ORMDL3: variants seen among roughly 807,000 people sequenced by gnomAD.
ORMDL3 encodes ORMDL sphingolipid biosynthesis regulator 3.
A neutral mutation model predicts 12.6 loss-of-function variants in ORMDL3; 6 were observed. The ratio of observed to expected loss-of-function variants is 0.48; its 90% CI spans 0.26 to 0.94. The LOEUF is 0.94. Ranked by LOEUF, ORMDL3 falls within the 40% of genes least tolerant of loss-of-function variation. The pLI is 0.14. For missense variants in ORMDL3, 159 were observed against 205.5 expected, an observed-to-expected ratio of 0.77 and a Z score of 1.38; for synonymous variants, 99 against 87.2, an observed-to-expected ratio of 1.14 and a Z score of -0.75.
chr17:39,924,167 T>C lies in ORMDL3; in HGVS notation c.37A>G (p.Asn13Asp). 1 of 1,613,456 alleles carries C rather than the reference T, an allele frequency of 6.2e-7. No individual in the cohort carries two copies. Among genetic ancestry groups the C allele is most frequent in the Non-Finnish European group, 8.5e-7 (1 of 1,179,604 alleles). ...VGTAHSEVNP[N>D]TRVMNSRGIW... The stretch of plus-strand genomic sequence containing the variant: ...CCACGGCTGTTCATCACCCGCGTGT[T>C]GGGGTTCACCTCGCTGTGCGCTGTG... The change falls in exon 2 of 4, where the codon AAC (asparagine) becomes GAC (aspartate). Residue 13 changes from asparagine to aspartate, a missense_variant. Transcript: ENST00000304046.
Position 39,922,416 on chromosome 17 carries a change from G to A in ORMDL3, c.*134C>T. ...TTGGCTACTGGGGGAAGCGAGGGGGGAAATTAGGCCAGAGGCTCAACCCCC... is the reference window on the plus strand; with the variant it reads ...TTGGCTACTGGGGGAAGCGAGGGGGAAAATTAGGCCAGAGGCTCAACCCCC... On this transcript the variant is annotated 3_prime_UTR_variant, in exon 4 of 4. Coordinates refer to ENST00000304046, the MANE Select transcript of ORMDL3 (RefSeq NM_139280.4). The A allele has an allele frequency of 2.6e-6, 3 of 1,153,776 alleles. No individual in the cohort carries two copies. Among genetic ancestry groups the A allele is most frequent in the Non-Finnish European group, 3.6e-6 (3 of 833,180 alleles). 71.5% of individuals were successfully genotyped at this position (1,153,776 alleles called of 1,614,324 possible). A position where few individuals can be genotyped will look rare whatever the true frequency, so the allele number is the denominator to read the frequency against.
rs763991542 is a variant in ORMDL3 at position 39,923,267 on chromosome 17, G to C, written c.175-4C>G. 6.2e-7 allele frequency: 1 copy of C among 1,614,108 alleles called. No homozygotes were observed. The highest frequency in any genetic ancestry group is 2.2e-5 in the East Asian group (1 of 44,892). On this transcript the variant is annotated splice_region_variant and splice_polypyrimidine_tract_variant and intron_variant, in intron 2 of 3. Transcript: ENST00000304046. Reference sequence around the variant, plus strand: ...TGTGCAGGAAGATATACATGCCCTGGAGGAAGAAGTCTTTGTTAGAGGATA... The same window carrying C: ...TGTGCAGGAAGATATACATGCCCTGCAGGAAGAAGTCTTTGTTAGAGGATA...
In ORMDL3 at chr17:39,922,566, C is replaced by A; in HGVS notation, c.446G>T (p.Gly149Val). ...LPQLHGVRIF[G>V]INKY ...GCTGCACTCTCAGTACTTATTGATT[C>A]CAAAAATCCGGACTCCGTGGAGCTG... is the stretch of plus-strand genomic sequence containing the variant. Residue 149 changes from glycine (G) to valine (V), a missense_variant, in exon 4 of 4, where the codon GGA becomes GTA. Coordinates refer to ENST00000304046, the MANE Select transcript of ORMDL3 (RefSeq NM_139280.4). 1 of 1,614,064 alleles carries A rather than the reference C, an allele frequency of 6.2e-7. No homozygotes were observed. The highest frequency in any genetic ancestry group is 1.1e-5 in the South Asian group (1 of 91,078).
chr17:39,924,162 C>T lies in ORMDL3; in HGVS notation c.42G>A (p.Thr14=), dbSNP rs761725471. The T allele has an allele frequency of 1.7e-5, 28 of 1,613,604 alleles. 1 individual carries two copies. Among genetic ancestry groups the T allele is most frequent in the South Asian group, 7.7e-5 (7 of 91,032 alleles). The change falls in exon 2 of 4, where the codon ACG becomes ACA. Residue 14 remains threonine, a synonymous_variant. Transcript: ENST00000304046. ...GTAHSEVNPN[T]RVMNSRGIWL... ...AGATGCCACGGCTGTTCATCACCCG[C>T]GTGTTGGGGTTCACCTCGCTGTGCG...
chr17:39,921,170 T>C lies in ORMDL3; in HGVS notation c.*1380A>G, dbSNP rs2278894. ...TCCCTATGATACACGGGGTGGGAGA[T>C]GCAGGGTCAGGAGGGAGAAAACAGG... On this transcript the variant is annotated 3_prime_UTR_variant, in exon 4 of 4. Transcript: ENST00000304046. 371 of 152,952 alleles carry C rather than the reference T, an allele frequency of 2.4e-3. 7 individuals are homozygous for C. The East Asian group carries it at 0.031, about 13-fold the overall frequency. The allele number at this position is 152,952 out of a possible 1,614,324, so 9.5% of individuals were successfully genotyped here.
intron 3 of ORMDL3, 33 bp downstream of exon 3, chr17:39,923,079 C>T (rs1262450712): frequency 6.2e-7 from 1 of 1,613,158 alleles, no homozygotes; most frequent in African/African-American, 1.3e-5. Flanking sequence ...CTTGCCCTGC[C>T]TGCTGGTGTC....
At chr17:39,927,167 G>T (rs927542609) in intron 1 of ORMDL3, 31 of 287,490 alleles carry the variant, frequency 1.1e-4, no homozygotes, top group African/African-American at 6.8e-4. Context: ...ACCCGGTCCG[G>T]TCCGGGACCC....
At chr17:39,922,732 C>T (rs778876661) in intron 3 of ORMDL3, 47 bp from the exon 4 acceptor site, 2 of 1,583,312 alleles carry the variant, frequency 1.3e-6, no homozygotes, top group Admixed American at 3.5e-5. Flanking sequence ...GTTGGGAGGA[C>T]CCCTTCCTCC....
chr17:39,921,159 G>A lies in ORMDL3; in HGVS notation c.*1391C>T, dbSNP rs3169572. ...AAGGTGAAAGTTCCCTATGATACAC[G>A]GGGTGGGAGATGCAGGGTCAGGAGG... On this transcript the variant is annotated 3_prime_UTR_variant, in exon 4 of 4. Coordinates refer to ENST00000304046, the MANE Select transcript of ORMDL3 (RefSeq NM_139280.4). 4,162 of 152,922 alleles carry A rather than the reference G, an allele frequency of 0.027. 75 individuals are homozygous for A. The highest frequency in any genetic ancestry group is 0.042 in the Non-Finnish European group (2,833 of 68,098). 9.5% of individuals were successfully genotyped at this position (152,922 alleles called of 1,614,324 possible).
rs1435281535 is a variant in ORMDL3, at chr17:39,924,036, G to A, written c.168C>T (p.His56=). 6.2e-7 allele frequency: 1 copy of A among 1,603,750 alleles called. No individual in the cohort carries two copies. Among genetic ancestry groups the A allele is most frequent in the Non-Finnish European group, 8.5e-7 (1 of 1,174,350 alleles). ...PVVWTLTNLI[H]NMGMYIFLHT... is the part of the protein sequence containing the mutation. ...GCAGCAGACAGGCTCTCACCATGTTGTGAATGAGGTTGGTGAGGGTCCAGA... is the reference window on the plus strand; with the variant it reads ...GCAGCAGACAGGCTCTCACCATGTTATGAATGAGGTTGGTGAGGGTCCAGA... The change falls in exon 2 of 4, where the codon CAC becomes CAT. Residue 56 remains histidine (H), a synonymous_variant. Coordinates refer to ENST00000304046, the MANE Select transcript of ORMDL3 (RefSeq NM_139280.4).
At position 39,922,275 on chromosome 17, in the gene ORMDL3, T is replaced by C. The variant is rs1416283276; in HGVS notation, c.*275A>G. The C allele has an allele frequency of 3.2e-6, 1 of 313,028 alleles. No homozygotes were observed. Among genetic ancestry groups the C allele is most frequent in the Non-Finnish European group, 6.0e-6 (1 of 167,544 alleles). The allele number at this position is 313,028 out of a possible 1,614,324, so 19.4% of individuals were successfully genotyped here. On this transcript the variant is annotated 3_prime_UTR_variant, in exon 4 of 4. Coordinates refer to ENST00000304046, the MANE Select transcript of ORMDL3 (RefSeq NM_139280.4). The stretch of plus-strand genomic sequence containing the variant: ...ATGTTCAGCCCAGGAGCCCAGCCCA[T>C]TCCATGACCAACTCCATGGAGTCTC...
In ORMDL3 at chr17:39,922,517, C is replaced by T; in HGVS notation, c.*33G>A. The T allele has an allele frequency of 1.9e-6, 3 of 1,604,122 alleles. No individual in the cohort carries two copies. The highest frequency in any genetic ancestry group is 2.6e-6 in the Non-Finnish European group (3 of 1,175,976). ...ACATGCCTTTTACCCTACCCCTCCC[C>T]TGCCACCCTGGGCAGGGGAAGGGGC... On this transcript the variant is annotated 3_prime_UTR_variant, in exon 4 of 4. Transcript: ENST00000304046.
chr17:39,922,713 T>C (rs1978306105), intron 3 of ORMDL3, 28 bp from the exon 4 acceptor site: 1 of 1,607,534 alleles, frequency 6.2e-7, no homozygotes, highest in African/African-American at 1.3e-5. Context: ...GGGAGAGATA[T>C]AAAAGACTGT....
chr17:39,927,232 C>G (rs1978480342), intron 1 of ORMDL3: 1 of 205,630 alleles, frequency 4.9e-6, no homozygotes, highest in Non-Finnish European at 8.5e-6. Context: ...CGTTTATCCC[C>G]GAAGCCGAGC....
intron 1 of ORMDL3, chr17:39,925,902 C>T (rs1978387573): frequency 2.0e-5 from 3 of 152,234 alleles, no homozygotes; most frequent in South Asian, 4.1e-4. Context: ...TGTTTATCTT[C>T]CCAGGGCCTT....
chr17:39,924,186 C>G lies in ORMDL3; in HGVS notation c.18G>C (p.Ala6=). 6.2e-7 allele frequency: 1 copy of G among 1,609,258 alleles called. No individual in the cohort carries two copies. The highest frequency in any genetic ancestry group is 8.5e-7 in the Non-Finnish European group (1 of 1,177,396). The change falls in exon 2 of 4, where the codon GCG becomes GCC. Residue 6 remains alanine (A), a synonymous_variant. Transcript: ENST00000304046. Reference sequence around the variant, plus strand: ...GCGTGTTGGGGTTCACCTCGCTGTGCGCTGTGCCCACATTCATCCTGCTGC... The same window carrying G: ...GCGTGTTGGGGTTCACCTCGCTGTGGGCTGTGCCCACATTCATCCTGCTGC... MNVGT[A]HSEVNPNTRV...
In ORMDL3 at chr17:39,927,468, T is replaced by C. The variant is rs567199433; in HGVS notation, c.-23+16A>G. The stretch of plus-strand genomic sequence containing the variant: ...CTCCCGTAGCCCTGGGGCCTCTTGG[T>C]TCCTTCCGGGCTCACCGTGTGGGGC... On this transcript the variant is annotated intron_variant, in intron 1 of 3. Transcript: ENST00000304046. 71 of 984,844 alleles carry C rather than the reference T, an allele frequency of 7.2e-5. No individual in the cohort carries two copies. The highest frequency in any genetic ancestry group is 8.0e-5 in the Non-Finnish European group (66 of 829,864). 61.0% of individuals were successfully genotyped at this position (984,844 alleles called of 1,614,324 possible).
intron 1 of ORMDL3, among the ~76,000 whole-genome samples, chr17:39,924,498 C>T (rs114217918): frequency 0.012 from 1,773 of 152,284 alleles, 38 homozygotes; most frequent in African/African-American, 0.041. Flanking sequence ...CATCAAGAGG[C>T]ACGCAGCCCC....
In ORMDL3 at chr17:39,921,843, C is replaced by T. The variant is rs1485947758; in HGVS notation, c.*707G>A. 6.6e-6 allele frequency: 1 copy of T among 152,648 alleles called. No individual in the cohort carries two copies. Among genetic ancestry groups the T allele is most frequent in the Non-Finnish European group, 1.5e-5 (1 of 68,332 alleles). The allele number at this position is 152,648 out of a possible 1,614,324, so 9.5% of individuals were successfully genotyped here. A position where few individuals can be genotyped will look rare whatever the true frequency, so the allele number is the denominator to read the frequency against. ...GGCCCCATTCTTCTAAGTCTCGACTCACTAGCTCTCCTACAGCTCCCCAAC... is the reference window on the plus strand; with the variant it reads ...GGCCCCATTCTTCTAAGTCTCGACTTACTAGCTCTCCTACAGCTCCCCAAC... On this transcript the variant is annotated 3_prime_UTR_variant, in exon 4 of 4. Transcript: ENST00000304046.
Sources: gnomAD v4.1 joint callset for allele counts (sites outside exome capture counted in the v4.1 genomes callset) on GRCh38, gnomAD v4.1.1 for gene constraint, MANE v1.5 for transcripts, NCBI Gene and HGNC (gene_info 2026-07-23, HGNC 2026-07-21) for gene names.